The following DIMT1 variants were observed in gnomAD, a reference collection of about 807,000 sequenced individuals.
DIMT1 encodes DIM1 rRNA methyltransferase and ribosome maturation factor.
Under a neutral mutation model 43.2 loss-of-function variants are expected in DIMT1, and 36 were observed. The observed-to-expected ratio is 0.83, with a 90% CI of 0.64 to 1.10. DIMT1 has a LOEUF of 1.10. Ranked by LOEUF, DIMT1 falls within the 50% of genes least tolerant of loss-of-function variation. The probability of loss-of-function intolerance (pLI) is 0.00; values close to 1 mark genes in which losing one functional copy is unlikely to be tolerated. For missense variants in DIMT1, 341 were observed against 385.3 expected, an observed-to-expected ratio of 0.88 and a Z score of 0.96; for synonymous variants, 126 against 130.3, an observed-to-expected ratio of 0.97 and a Z score of 0.22.
At position 62,392,184 on chromosome 5, in the gene DIMT1, G is replaced by C. The variant is rs1742328723; in HGVS notation, c.779C>G (p.Ser260Ter). ...TTTCTAACTTACAATATTATGGACTGAACAGTGAATTCTGTAGTTTTTTTC... is the reference window on the plus strand; with the variant it reads ...TTTCTAACTTACAATATTATGGACTCAACAGTGAATTCTGTAGTTTTTTTC... The part of the protein sequence containing the change: ...LLEKNYRIHC[S>*]VHNIIIPEDF... The change falls in exon 10 of 12, where the codon TCA becomes TGA. Residue 260 changes from serine to a stop codon, truncating the protein, a stop_gained. Coordinates refer to ENST00000199320, the MANE Select transcript of DIMT1 (RefSeq NM_014473.4). LOFTEE classifies it high-confidence loss of function. The C allele has an allele frequency of 1.2e-6, 2 of 1,613,524 alleles. No homozygotes were observed. The highest frequency in any genetic ancestry group is 1.7e-6 in the Non-Finnish European group (2 of 1,179,672).
chr5:62,394,005 T>C lies in DIMT1; in HGVS notation c.613A>G (p.Ser205Gly), dbSNP rs768146333. 3 of 1,612,764 alleles carry C rather than the reference T, an allele frequency of 1.9e-6. No homozygotes were observed. Among genetic ancestry groups the C allele is most frequent in the Non-Finnish European group, 2.5e-6 (3 of 1,179,668 alleles). ...NFRPPPKVES[S>G]VVRIEPKNPP... ...TTCTTAGGTTCTATCCTTACAACACTGGATTCCACCTTGGGCGGTGGTCTG... is the reference window on the plus strand; with the variant it reads ...TTCTTAGGTTCTATCCTTACAACACCGGATTCCACCTTGGGCGGTGGTCTG... The change falls in exon 8 of 12, where the codon AGT becomes GGT. Residue 205 changes from serine (S) to glycine (G), a missense_variant. Ser to Gly is a moderately conservative substitution (Grantham distance 56). Transcript: ENST00000199320.
rs1020925414 is a variant in DIMT1, at chr5:62,387,666, G to A, written c.*1344C>T. ...GAGGGAAATAACCTGAGAAAGCCGA[G>A]TTAAATCTTAAAATTTTTACTATAA... On this transcript the variant is annotated 3_prime_UTR_variant, in exon 12 of 12. Coordinates refer to ENST00000199320, the MANE Select transcript of DIMT1 (RefSeq NM_014473.4). The A allele has an allele frequency of 2.0e-5, 3 of 152,138 alleles. No homozygotes were observed. Among genetic ancestry groups the A allele is most frequent in the African/African-American group, 7.2e-5 (3 of 41,426 alleles). 9.4% of individuals were successfully genotyped at this position (152,138 alleles called of 1,614,324 possible).
At chr5:62,391,617 T>G in intron 10 of DIMT1, 1 of 904,436 alleles carries the variant, frequency 1.1e-6, no homozygotes, top group East Asian at 8.3e-5. Flanking sequence ...AATTGGCCTT[T>G]CTCTCTCTGT....
chr5:62,394,111 G>T, intron 7 of DIMT1, 64 bp from the exon 8 acceptor site: 1 of 1,443,840 alleles, frequency 6.9e-7, no homozygotes, highest in Admixed American at 1.9e-5. Flanking sequence ...AACCAGATAT[G>T]CTATCCTCAC....
rs752836224 is a variant in DIMT1 at position 62,394,059 on chromosome 5, A to G, written c.571-12T>C. Reference sequence around the variant, plus strand: ...TTATTCTTTCCCACCTGTTAATGAAAAAGTATTTAAGTAGTACTCACAAAG... The same window carrying G: ...TTATTCTTTCCCACCTGTTAATGAAGAAGTATTTAAGTAGTACTCACAAAG... On this transcript the variant is annotated splice_polypyrimidine_tract_variant and intron_variant, in intron 7 of 11. Coordinates refer to ENST00000199320, the MANE Select transcript of DIMT1 (RefSeq NM_014473.4). 1 of 1,610,290 alleles carries G rather than the reference A, an allele frequency of 6.2e-7. No individual in the cohort carries two copies. Among genetic ancestry groups the G allele is most frequent in the East Asian group, 2.2e-5 (1 of 44,792 alleles).
At chr5:62,396,543 C>T (rs1045930449) in intron 6 of DIMT1, among the ~76,000 whole-genome samples, 2 of 152,034 alleles carry the variant, frequency 1.3e-5, no homozygotes, top group Non-Finnish European at 2.9e-5. Context: ...CCAATCAGGA[C>T]TGTAAGGTGG....
chr5:62,389,577 G>C (rs1165039468), intron 11 of DIMT1, among the ~76,000 whole-genome samples: 3 of 150,954 alleles, frequency 2.0e-5, no homozygotes, highest in Non-Finnish European at 4.4e-5. Flanking sequence ...TCTTTCATTA[G>C]AGCCTTTATG....
At chr5:62,402,406 A>T (rs1320843939) in intron 2 of DIMT1, among the ~76,000 whole-genome samples, 1 of 152,234 alleles carries the variant, frequency 6.6e-6, no homozygotes, top group African/African-American at 2.4e-5. Context: ...TCTATCTGGA[A>T]ATATTCCAAT....
intron 8 of DIMT1, among the ~76,000 whole-genome samples, chr5:62,393,622 C>G (rs1445945285): frequency 1.3e-5 from 2 of 152,188 alleles, no homozygotes; most frequent in Non-Finnish European, 2.9e-5. Context: ...GGTTTTATAT[C>G]AAGTGGTCTT....
At chr5:62,389,583 T>G (rs1372549955) in intron 11 of DIMT1, among the ~76,000 whole-genome samples, 1 of 152,120 alleles carries the variant, frequency 6.6e-6, no homozygotes, top group African/African-American at 2.4e-5. Context: ...ATTAGAGCCT[T>G]TATGTCGTAA....
At chr5:62,400,828 GGCTCACT>G (rs1214723134) in intron 3 of DIMT1, among the ~76,000 whole-genome samples, 4 of 152,036 alleles carry the variant, frequency 2.6e-5, no homozygotes, top group African/African-American at 4.8e-5. Context: ...GCAGGATCAT[GGCTCACT>G]GGAGCCTCAA....
intron 6 of DIMT1, among the ~76,000 whole-genome samples, chr5:62,395,253 G>A (rs1742445300): frequency 6.6e-6 from 1 of 151,932 alleles, no homozygotes; most frequent in Non-Finnish European, 1.5e-5. Flanking sequence ...TGGAACTCCT[G>A]ACCTCAGGTG....
chr5:62,398,576 C>T lies in DIMT1; in HGVS notation c.397-16G>A. ...GTGAAGAGATCTGTAAGAGAATTAA[C>T]TAGTTATTTCCGGGAAAGACACATC... On this transcript the variant is annotated splice_polypyrimidine_tract_variant and intron_variant, in intron 5 of 11. Coordinates refer to ENST00000199320, the MANE Select transcript of DIMT1 (RefSeq NM_014473.4). 1 of 1,612,932 alleles carries T rather than the reference C, an allele frequency of 6.2e-7. No individual in the cohort carries two copies. The highest frequency in any genetic ancestry group is 8.5e-7 in the Non-Finnish European group (1 of 1,178,950).
At chr5:62,391,558 T>C (rs1470480243) in intron 10 of DIMT1, among the ~76,000 whole-genome samples, 1 of 152,230 alleles carries the variant, frequency 6.6e-6, no homozygotes, top group African/African-American at 2.4e-5. Context: ...GAGATAGTAT[T>C]GTGATACATT....
chr5:62,389,184 G>C (rs1742176415), intron 11 of DIMT1, 132 bp from the exon 12 acceptor site: 1 of 729,282 alleles, frequency 1.4e-6, no homozygotes, highest in South Asian at 2.2e-5. Context: ...CCTAATACTA[G>C]TTATTAAAGA....
At chr5:62,400,506 G>A (rs760934846) in intron 3 of DIMT1, among the ~76,000 whole-genome samples, 3 of 151,684 alleles carry the variant, frequency 2.0e-5, no homozygotes, top group Non-Finnish European at 4.4e-5. Flanking sequence ...TCCCACCTTG[G>A]CCTCCCAAAG....
At chr5:62,399,754 A>G (rs1457051486) in intron 3 of DIMT1, among the ~76,000 whole-genome samples, 1 of 151,462 alleles carries the variant, frequency 6.6e-6, no homozygotes, top group Non-Finnish European at 1.5e-5. Flanking sequence ...ACAAATTCAA[A>G]AATTATCTGG....
chr5:62,396,304 G>C (rs184040961), intron 6 of DIMT1, among the ~76,000 whole-genome samples: 87 of 151,840 alleles, frequency 5.7e-4, no homozygotes, highest in African/African-American at 1.9e-3. Context: ...GAGCTCAGGA[G>C]GGGGAGACAG....
At chr5:62,391,677 C>G in intron 10 of DIMT1, 2 of 1,231,898 alleles carry the variant, frequency 1.6e-6, no homozygotes, top group Non-Finnish European at 2.0e-6. Flanking sequence ...ATCGCACACA[C>G]TGTTACACAA....
Sources: gnomAD v4.1 joint callset for allele counts (sites outside exome capture counted in the v4.1 genomes callset) on GRCh38, gnomAD v4.1.1 for gene constraint, MANE v1.5 for transcripts, NCBI Gene and HGNC (gene_info 2026-07-23, HGNC 2026-07-21) for gene names.